Variants in STK33 observed in about 807,000 individuals in gnomAD.
STK33 encodes serine/threonine-protein kinase 33.
A neutral mutation model predicts 58.0 loss-of-function variants in STK33; 52 were observed. That is an observed-to-expected ratio of 0.90 (90% confidence interval 0.72 to 1.13). The LOEUF (loss-of-function observed/expected upper bound fraction) is 1.13, where lower values mean the gene tolerates loss of function less well. STK33 is among the 50% of genes most tolerant of loss of function. STK33 has a pLI of 0.00. For missense variants in STK33, 630 were observed against 604.2 expected (o/e 1.04, Z -0.45); for synonymous variants, 215 against 200.1 (o/e 1.07, Z -0.63).
intron 15 of STK33, among the ~76,000 whole-genome samples, chr11:8,399,436 T>C (rs7935126): frequency 0.61 from 92,831 of 151,862 alleles, 29,396 homozygotes; most frequent in African/African-American, 0.77. Context: ...AAAGACACAA[T>C]ATACCAGAAT....
At chr11:8,368,690 G>T in the STK33 span, among the ~76,000 whole-genome samples, 1 of 152,238 alleles carries the variant, frequency 6.6e-6, no homozygotes, top group South Asian at 2.1e-4. Flanking sequence ...TTGGATGGGA[G>T]CTTGGCCCCT....
chr11:8,520,274 C>A (rs1342706014), intron 1 of STK33, among the ~76,000 whole-genome samples: 2 of 152,156 alleles, frequency 1.3e-5, no homozygotes, highest in African/African-American at 4.8e-5. Flanking sequence ...GCAGAAAAGG[C>A]CTTTGACAAA....
chr11:8,484,803 A>C (rs916366523), intron 1 of STK33, among the ~76,000 whole-genome samples: 1 of 152,178 alleles, frequency 6.6e-6, no homozygotes. Context: ...TTGCAATGGA[A>C]CTATAAAAAC....
At chr11:8,529,966 A>C (rs1483261327) in intron 1 of STK33, among the ~76,000 whole-genome samples, 1 of 152,154 alleles carries the variant, frequency 6.6e-6, no homozygotes, top group East Asian at 1.9e-4. Context: ...ATATTCCCCC[A>C]AAAAACAGAC....
chr11:8,502,421 C>T (rs1388759748), intron 1 of STK33, among the ~76,000 whole-genome samples: 1 of 152,160 alleles, frequency 6.6e-6, no homozygotes, highest in Non-Finnish European at 1.5e-5. Flanking sequence ...GGATAACTGG[C>T]TAGCCATATG....
chr11:8,421,979 T>C (rs1339991130), intron 14 of STK33, among the ~76,000 whole-genome samples: 1 of 152,144 alleles, frequency 6.6e-6, no homozygotes, highest in East Asian at 1.9e-4. Context: ...TTACTATAAA[T>C]AATAAATCTT....
intron 14 of STK33, among the ~76,000 whole-genome samples, chr11:8,419,020 T>C (rs1019878580): frequency 1.3e-5 from 2 of 152,148 alleles, no homozygotes; most frequent in Non-Finnish European, 2.9e-5. Flanking sequence ...TTTGCAAATA[T>C]TTTCTCCCAT....
intron 15 of STK33, among the ~76,000 whole-genome samples, chr11:8,411,294 C>G (rs372088689): frequency 9.2e-5 from 14 of 152,128 alleles, no homozygotes; most frequent in African/African-American, 3.4e-4. Context: ...AAGGACATTG[C>G]CAAGTGCCAA....
At chr11:8,407,283 TGA>T (rs958367793) in intron 15 of STK33, among the ~76,000 whole-genome samples, 7 of 152,128 alleles carry the variant, frequency 4.6e-5, no homozygotes, top group Non-Finnish European at 8.8e-5. Flanking sequence ...CTATAATTTA[TGA>T]GAGATATTGG....
intron 1 of STK33, among the ~76,000 whole-genome samples, chr11:8,508,580 C>T (rs1485759300): frequency 1.3e-5 from 2 of 152,104 alleles, no homozygotes; most frequent in African/African-American, 2.4e-5. Flanking sequence ...CTTACCTTTT[C>T]TTCTTGTCTA....
chr11:8,495,475 C>T (rs868382067), intron 1 of STK33, among the ~76,000 whole-genome samples: 3 of 152,054 alleles, frequency 2.0e-5, no homozygotes, highest in Non-Finnish European at 4.4e-5. Flanking sequence ...TGTGGAGAAA[C>T]AGGAACGCTG....
the STK33 span, among the ~76,000 whole-genome samples, chr11:8,370,389 G>A: frequency 1.3e-5 from 2 of 151,958 alleles, no homozygotes; most frequent in Non-Finnish European, 2.9e-5. Flanking sequence ...GTAGAGATGG[G>A]GTCTCACTGT....
At chr11:8,438,337 A>G (rs1301100247) in intron 12 of STK33, among the ~76,000 whole-genome samples, 1 of 152,254 alleles carries the variant, frequency 6.6e-6, no homozygotes, top group African/African-American at 2.4e-5. Context: ...ATAGAAATCA[A>G]AACAGCAGAG....
chr11:8,362,650 A>G, the STK33 span, among the ~76,000 whole-genome samples: 8 of 152,366 alleles, frequency 5.3e-5, 1 homozygote, highest in South Asian at 1.7e-3. Context: ...TTAGGGAGGC[A>G]CGTCACTGGC....
At chr11:8,582,203 T>C (rs1044569844) in intron 1 of STK33, among the ~76,000 whole-genome samples, 2 of 152,154 alleles carry the variant, frequency 1.3e-5, no homozygotes, top group Non-Finnish European at 2.9e-5. Flanking sequence ...ATCAATTTGA[T>C]AAACAAAAAA....
intron 5 of STK33, 168 bp downstream of exon 5, chr11:8,474,513 C>G (rs748669645): frequency 6.0e-6 from 3 of 498,360 alleles, no homozygotes; most frequent in Non-Finnish European, 1.0e-5. Flanking sequence ...CATCATATAA[C>G]AAGTTACTAA....
At chr11:8,534,212 T>C (rs925156810) in intron 1 of STK33, among the ~76,000 whole-genome samples, 1 of 151,866 alleles carries the variant, frequency 6.6e-6, no homozygotes, top group Non-Finnish European at 1.5e-5. Flanking sequence ...GAGGCAGAGT[T>C]TGCAGTGAGC....
chr11:8,464,977 T>C, intron 6 of STK33, 155 bp from the exon 7 acceptor site: 3 of 471,272 alleles, frequency 6.4e-6, no homozygotes, highest in Non-Finnish European at 1.1e-5. Context: ...TCAATATTAA[T>C]AAACACATCT....
chr11:8,383,168 A>T, the STK33 span, among the ~76,000 whole-genome samples: 6 of 152,172 alleles, frequency 3.9e-5, no homozygotes, highest in African/African-American at 4.8e-5. Context: ...GACCCAGATG[A>T]ACTAGAATGA....
Sources: gnomAD v4.1 joint callset for allele counts (sites outside exome capture counted in the v4.1 genomes callset) on GRCh38, gnomAD v4.1.1 for gene constraint, MANE v1.5 for transcripts, NCBI Gene and HGNC (gene_info 2026-07-23, HGNC 2026-07-21) for gene names.